Variants in KCNN2 observed in about 807,000 individuals in gnomAD.
KCNN2 encodes the protein small conductance calcium-activated potassium channel protein 2.
Under a neutral mutation model 55.5 loss-of-function variants are expected in KCNN2, and 24 were observed. The observed-to-expected ratio is 0.43, with a 90% CI of 0.31 to 0.61. The LOEUF (loss-of-function observed/expected upper bound fraction) is 0.61. KCNN2 is among the 20% of genes least tolerant of loss of function. The pLI is 0.08. For synonymous variants in KCNN2, 431 were observed against 336.1 expected (o/e 1.28, Z -3.09); for missense variants, 754 against 853.6 (o/e 0.88, Z 1.45).
At chr5:114,241,712 ATATATATACG>A (rs1580651977) in intron 2 of KCNN2, among the ~76,000 whole-genome samples, 2 of 119,606 alleles carry the variant, frequency 1.7e-5, no homozygotes, top group African/African-American at 3.3e-5. Flanking sequence ...GTGGATATAT[ATATATATACG>A]TATATATATA....
intron 2 of KCNN2, among the ~76,000 whole-genome samples, chr5:114,340,611 A>G (rs1230141829): frequency 6.6e-6 from 1 of 152,156 alleles, no homozygotes; most frequent in African/African-American, 2.4e-5. Flanking sequence ...AATAGTTACA[A>G]CAGTAAAGCT....
intron 2 of KCNN2, among the ~76,000 whole-genome samples, chr5:114,325,153 A>T (rs4705662): frequency 6.6e-6 from 1 of 152,014 alleles, no homozygotes. Flanking sequence ...TTGAAGGTAC[A>T]GCTTTTTTTG....
intron 5 of KCNN2, among the ~76,000 whole-genome samples, chr5:114,484,820 T>A (rs545354191): frequency 1.3e-3 from 199 of 152,236 alleles, no homozygotes; most frequent in Non-Finnish European, 2.4e-3. Context: ...CAAAATAAAT[T>A]CCTGTATTTA....
chr5:114,305,116 C>G (rs1371733260), intron 2 of KCNN2, among the ~76,000 whole-genome samples: 2 of 152,120 alleles, frequency 1.3e-5, no homozygotes, highest in Non-Finnish European at 2.9e-5. Flanking sequence ...TTAAACAGAA[C>G]TCTAGAGGAT....
intron 2 of KCNN2, among the ~76,000 whole-genome samples, chr5:114,279,236 A>T (rs943064679): frequency 1.3e-5 from 2 of 152,070 alleles, no homozygotes; most frequent in Non-Finnish European, 2.9e-5. Context: ...ATACCTTCAA[A>T]ATATATGCTG....
intron 3 of KCNN2, among the ~76,000 whole-genome samples, chr5:114,435,043 A>G (rs1759954037): frequency 6.6e-6 from 1 of 152,094 alleles, no homozygotes; most frequent in Non-Finnish European, 1.5e-5. Context: ...TCTTTATCCT[A>G]AGATCCTATT....
intron 2 of KCNN2, among the ~76,000 whole-genome samples, chr5:114,291,876 T>C (rs1217667927): frequency 3.3e-5 from 5 of 152,090 alleles, no homozygotes; most frequent in African/African-American, 7.2e-5. Context: ...TTTTAATGAT[T>C]GCCATTCTAA....
intron 2 of KCNN2, among the ~76,000 whole-genome samples, chr5:114,399,837 T>G (rs1406826399): frequency 2.0e-5 from 3 of 152,080 alleles, no homozygotes; most frequent in African/African-American, 7.2e-5. Context: ...TCTTGGGAGA[T>G]TGTATGTTTC....
chr5:114,094,102 T>C (rs1471848653), intron 1 of KCNN2, among the ~76,000 whole-genome samples: 1 of 152,306 alleles, frequency 6.6e-6, no homozygotes, highest in South Asian at 2.1e-4. Context: ...TTTGTTTGCT[T>C]TTTTTGTTTT....
chr5:114,288,523 C>CACACACACACAT (rs1755808514), intron 2 of KCNN2, among the ~76,000 whole-genome samples: 1 of 151,622 alleles, frequency 6.6e-6, no homozygotes. Context: ...CACACACACA[C>CACACACACACAT]ACACACATAC....
chr5:114,304,806 G>C (rs1756234779), intron 2 of KCNN2, among the ~76,000 whole-genome samples: 1 of 152,188 alleles, frequency 6.6e-6, no homozygotes, highest in African/African-American at 2.4e-5. Flanking sequence ...AGGTCAGAGA[G>C]ATTTTCCCAA....
chr5:114,455,359 A>C (rs80076349), intron 3 of KCNN2, among the ~76,000 whole-genome samples: 2 of 152,112 alleles, frequency 1.3e-5, no homozygotes, highest in African/African-American at 4.8e-5. Context: ...TTACAATTCT[A>C]TTTATCTTGG....
chr5:114,441,220 T>C (rs1253420084), intron 3 of KCNN2, among the ~76,000 whole-genome samples: 3 of 152,182 alleles, frequency 2.0e-5, no homozygotes, highest in Non-Finnish European at 4.4e-5. Flanking sequence ...ACTAGAGAAA[T>C]TAATACATTT....
intron 2 of KCNN2, among the ~76,000 whole-genome samples, chr5:114,252,871 A>G (rs970774689): frequency 1.3e-5 from 2 of 151,978 alleles, no homozygotes; most frequent in African/African-American, 4.8e-5. Context: ...GAAAAGAGAA[A>G]TGGCAGTCAA....
At chr5:114,276,447 T>C (rs1050838121) in intron 2 of KCNN2, among the ~76,000 whole-genome samples, 13 of 152,118 alleles carry the variant, frequency 8.5e-5, no homozygotes, top group Non-Finnish European at 1.6e-4. Context: ...TCTCCCATTA[T>C]TATTGTTTGG....
intron 1 of KCNN2, among the ~76,000 whole-genome samples, chr5:114,146,010 A>G (rs1752391689): frequency 6.6e-6 from 1 of 152,106 alleles, no homozygotes; most frequent in Admixed American, 6.6e-5. Flanking sequence ...TCTTCAGGAC[A>G]CAATTTCAGG....
Position 114,083,441 on chromosome 5 carries a change from TTA to T in KCNN2, c.-271+26943_-271+26944del, listed in dbSNP as rs965967498. ...GTTGAATCTCAAAAGTTTTGAAATTTTATGTTTTTATTTTCATATAATTCAGA... is the reference window on the plus strand; with the variant it reads ...GTTGAATCTCAAAAGTTTTGAAATTTTGTTTTTATTTTCATATAATTCAGA... On this transcript the variant is annotated intron_variant, in intron 1 of 10. Coordinates refer to the KCNN2 transcript ENST00000512097. Among the ~76,000 whole-genome samples the T allele has an allele frequency of 3.2e-4, 48 of 152,090 alleles. 1 individual carries two copies. Among genetic ancestry groups the T allele is most frequent in the African/African-American group, 1.1e-3 (45 of 41,424 alleles).
intron 1 of KCNN2, among the ~76,000 whole-genome samples, chr5:114,100,512 C>T (rs879173888): frequency 2.6e-5 from 4 of 151,900 alleles, no homozygotes; most frequent in African/African-American, 7.3e-5. Flanking sequence ...AAACAAACTA[C>T]GAATGAAAAG....
intron 1 of KCNN2, among the ~76,000 whole-genome samples, chr5:114,192,420 G>A (rs1420100212): frequency 6.6e-5 from 10 of 152,072 alleles, no homozygotes; most frequent in Non-Finnish European, 1.5e-4. Flanking sequence ...ATGTATGTAT[G>A]GATAACATTA....
Sources: allele counts gnomAD v4.1 joint callset (sites outside exome capture counted in the v4.1 genomes callset), GRCh38; gene constraint gnomAD v4.1.1; transcripts MANE v1.5; gene names NCBI Gene and HGNC (gene_info 2026-07-23, HGNC 2026-07-21).